Variants in ATXN1 observed in about 807,000 individuals in gnomAD.
ATXN1 encodes ataxin 1, also known as ataxin-1.
A neutral mutation model predicts 56.4 loss-of-function variants in ATXN1; 8 were observed. That is an observed-to-expected ratio of 0.14 (90% confidence interval 0.08 to 0.26). ATXN1 has a LOEUF of 0.26. Ranked by LOEUF, ATXN1 falls within the 10% of genes least tolerant of loss-of-function variation. The pLI is 1.00. For synonymous variants in ATXN1, 514 were observed against 494.6 expected, an observed-to-expected ratio of 1.04 and a Z score of -0.52; for missense variants, 987 against 1,106.5, an observed-to-expected ratio of 0.89 and a Z score of 1.53.
Position 16,760,757 on chromosome 6 carries a change from T to C in ATXN1, c.-730+541A>G, listed in dbSNP as rs1443120542. On this transcript the variant is annotated intron_variant, in intron 1 of 7. Transcript: ENST00000436367. The surrounding 1 kb of genome is among the most constrained non-coding windows in gnomAD (Gnocchi z 5.3). ...TGAGACCCCCTCTCTCTCACCGCCC[T>C]CTCCGGGGAGGAGGAATGGGAAGAG... is the stretch of plus-strand genomic sequence containing the variant. Among the ~76,000 whole-genome samples, 2 of 150,240 alleles carry C rather than the reference T, an allele frequency of 1.3e-5. No individual in the cohort carries two copies. Among genetic ancestry groups the C allele is most frequent in the African/African-American group, 4.9e-5 (2 of 40,834 alleles).
Position 16,665,585 on chromosome 6 carries a change from G to T in ATXN1, c.-614-7684C>A, listed in dbSNP as rs111577925. Among the ~76,000 whole-genome samples, 10 of 152,278 alleles carry T rather than the reference G, an allele frequency of 6.6e-5. 1 individual carries two copies. Among genetic ancestry groups the T allele is most frequent in the African/African-American group, 2.4e-4 (10 of 41,552 alleles). On this transcript the variant is annotated intron_variant, in intron 2 of 7. Coordinates refer to ENST00000436367, the MANE Select transcript of ATXN1 (RefSeq NM_001128164.2). Reference sequence around the variant, plus strand: ...TTCCCAAAGTGAGAACTGCTGACCAGGCAGACATTCTAAACCCCACAGATC... The same window carrying T: ...TTCCCAAAGTGAGAACTGCTGACCATGCAGACATTCTAAACCCCACAGATC...
At chr6:16,505,993 C>T (rs1171689238) in intron 5 of ATXN1, among the ~76,000 whole-genome samples, 1 of 152,096 alleles carries the variant, frequency 6.6e-6, no homozygotes, top group East Asian at 1.9e-4. Flanking sequence ...TTTTGTGATT[C>T]TCCTTTTCAC....
chr6:16,520,859 A>C (rs949129914), intron 5 of ATXN1, among the ~76,000 whole-genome samples: 1 of 152,208 alleles, frequency 6.6e-6, no homozygotes, highest in African/African-American at 2.4e-5. Flanking sequence ...TCAGCAATCT[A>C]TGTTCTACAT....
chr6:16,607,169 C>T (rs1396629807), intron 3 of ATXN1, among the ~76,000 whole-genome samples: 2 of 152,176 alleles, frequency 1.3e-5, no homozygotes, highest in East Asian at 1.9e-4. Flanking sequence ...CCACCGCGTC[C>T]GGCCAGGCAG....
intron 5 of ATXN1, among the ~76,000 whole-genome samples, chr6:16,492,474 AT>A (rs1256199764): frequency 1.3e-5 from 2 of 152,166 alleles, no homozygotes; most frequent in East Asian, 3.8e-4. Flanking sequence ...ACAAAAAAAA[AT>A]AAATAGGTGT....
In ATXN1 at chr6:16,326,360, T is replaced by G; in HGVS notation, c.1917+34A>C. 1 of 1,606,516 alleles carries G rather than the reference T, an allele frequency of 6.2e-7. No individual in the cohort carries two copies. The highest frequency in any genetic ancestry group is 8.5e-7 in the Non-Finnish European group (1 of 1,176,484). ...AGATGATGATGGCATCACGGTGTGG[T>G]GTCCCATCCCTGTGCCACCCTGGCT... On this transcript the variant is annotated intron_variant, in intron 7 of 7. Coordinates refer to ENST00000436367, the MANE Select transcript of ATXN1 (RefSeq NM_001128164.2). The surrounding 1 kb of genome is among the most constrained non-coding windows in gnomAD (Gnocchi z 6.6).
At chr6:16,310,493 C>G (rs1217507862) in intron 7 of ATXN1, among the ~76,000 whole-genome samples, 4 of 151,756 alleles carry the variant, frequency 2.6e-5, no homozygotes, top group African/African-American at 9.7e-5. Flanking sequence ...TTCTTTTTTT[C>G]TTTTTGTGAG....
Position 16,327,249 on chromosome 6 carries a change from G to A in ATXN1, c.1062C>T (p.His354=), listed in dbSNP as rs767862577. The change falls in exon 7 of 8, where the codon CAC becomes CAT. Residue 354 remains histidine (H), a synonymous_variant. Transcript: ENST00000436367. ...CCACCACGTGCCTGGACTCGTACGG[G>A]TGAGGAACCGACTTGCCGCCTGCCT... ...LGKAGGKSVP[H]PYESRHVVVH... 106 of 1,613,304 alleles carry A rather than the reference G, an allele frequency of 6.6e-5. 1 individual carries two copies. Among genetic ancestry groups the A allele is most frequent in the Non-Finnish European group, 8.9e-5 (105 of 1,179,722 alleles).
At chr6:16,483,991 C>A (rs574169496) in intron 6 of ATXN1, among the ~76,000 whole-genome samples, 1 of 152,130 alleles carries the variant, frequency 6.6e-6, no homozygotes, top group East Asian at 1.9e-4. Flanking sequence ...AACTGGAGTA[C>A]CCAAATCTAA....
chr6:16,693,634 C>T (rs1288818695), intron 2 of ATXN1, among the ~76,000 whole-genome samples: 1 of 152,122 alleles, frequency 6.6e-6, no homozygotes. Context: ...CTATTAACTA[C>T]CTCCTTCTGC....
intron 3 of ATXN1, among the ~76,000 whole-genome samples, chr6:16,587,899 A>G (rs1459623137): frequency 6.6e-6 from 1 of 151,814 alleles, no homozygotes; most frequent in Admixed American, 6.6e-5. Flanking sequence ...CCATTGCACT[A>G]CAGCCTGGGC....
intron 6 of ATXN1, among the ~76,000 whole-genome samples, chr6:16,391,161 C>CAA (rs35472967): frequency 0.092 from 5,137 of 55,568 alleles, 253 homozygotes; most frequent in Non-Finnish European, 0.12. Flanking sequence ...GACTCCATCT[C>CAA]AAAAAAAAAA....
intron 5 of ATXN1, among the ~76,000 whole-genome samples, chr6:16,488,936 T>C (rs1760603399): frequency 6.6e-6 from 1 of 152,102 alleles, no homozygotes; most frequent in Non-Finnish European, 1.5e-5. Context: ...GTGTCCAATA[T>C]CTTGCCATCG....
intron 3 of ATXN1, among the ~76,000 whole-genome samples, chr6:16,587,250 C>A (rs1561767910): frequency 6.6e-6 from 1 of 152,110 alleles, no homozygotes; most frequent in Non-Finnish European, 1.5e-5. Flanking sequence ...TAAGCAGAAA[C>A]CTAAAATCCA....
At chr6:16,457,337 C>T (rs1160541245) in intron 6 of ATXN1, among the ~76,000 whole-genome samples, 3 of 151,438 alleles carry the variant, frequency 2.0e-5, no homozygotes, top group South Asian at 2.1e-4. Flanking sequence ...ACAGCTATTC[C>T]GAACAGCAGG....
chr6:16,346,577 T>C (rs185663754), intron 6 of ATXN1, among the ~76,000 whole-genome samples: 18 of 152,352 alleles, frequency 1.2e-4, no homozygotes, highest in Admixed American at 3.3e-4. Context: ...ACATAGTTGA[T>C]TCAGTGTCAT....
At chr6:16,518,779 A>C (rs546318114) in intron 5 of ATXN1, among the ~76,000 whole-genome samples, 22 of 152,204 alleles carry the variant, frequency 1.4e-4, no homozygotes, top group Non-Finnish European at 2.8e-4. Flanking sequence ...TAGACTGAGA[A>C]GTCTGATCCC....
chr6:16,492,937 C>G (rs1203667056), intron 5 of ATXN1, among the ~76,000 whole-genome samples: 4 of 152,148 alleles, frequency 2.6e-5, no homozygotes, highest in Non-Finnish European at 4.4e-5. Flanking sequence ...TGGAAGCTGA[C>G]AGCATCATCA....
At position 16,299,180 on chromosome 6, in the gene ATXN1, A is replaced by T. The variant is rs963262591; in HGVS notation, c.*7149T>A. ...AATAAACTTGTACTGGTATACAGAC[A>T]ATTTATTTAAAACAATTTTGTTCAA... On this transcript the variant is annotated 3_prime_UTR_variant, in exon 8 of 8. Coordinates refer to ENST00000436367, the MANE Select transcript of ATXN1 (RefSeq NM_001128164.2). 6.6e-5 allele frequency: 10 copies of T among 152,618 alleles called. No homozygotes were observed. Among genetic ancestry groups the T allele is most frequent in the African/African-American group, 9.7e-5 (4 of 41,428 alleles). 9.5% of individuals were successfully genotyped at this position (152,618 alleles called of 1,614,324 possible).
Sources: gnomAD v4.1 joint callset for allele counts (sites outside exome capture counted in the v4.1 genomes callset) on GRCh38, gnomAD v4.1.1 for gene constraint, Gnocchi (gnomAD v3.1) non-coding constraint, MANE v1.5 for transcripts, NCBI Gene and HGNC (gene_info 2026-07-23, HGNC 2026-07-21) for gene names.